The following PDZRN4 variants were observed in gnomAD, a reference collection of about 807,000 sequenced individuals.
The protein encoded by PDZRN4 is PDZ domain containing ring finger 4.
Under a neutral mutation model 99.0 loss-of-function variants are expected in PDZRN4, and 70 were observed. That is an observed-to-expected ratio of 0.71 (90% CI 0.58 to 0.86). The LOEUF (loss-of-function observed/expected upper bound fraction) is 0.86, where lower values mean the gene tolerates loss of function less well. Among genes scored for constraint, PDZRN4 ranks in the 40% least tolerant of loss-of-function variants. The pLI, the probability that PDZRN4 is intolerant of heterozygous loss-of-function variation, is 0.00. For missense variants in PDZRN4, 1,474 were observed against 1,331.2 expected (o/e 1.11, Z -1.67); for synonymous variants, 551 against 501.6 (o/e 1.10, Z -1.32).
At chr12:41,400,035 T>A (rs1447624088) in intron 3 of PDZRN4, among the ~76,000 whole-genome samples, 1 of 152,144 alleles carries the variant, frequency 6.6e-6, no homozygotes, top group Non-Finnish European at 1.5e-5. Context: ...CTTTTAAACT[T>A]GGGCTATTGT....
At chr12:41,210,664 AC>A (rs1950882430) in intron 3 of PDZRN4, among the ~76,000 whole-genome samples, 1 of 152,010 alleles carries the variant, frequency 6.6e-6, no homozygotes, top group Admixed American at 6.6e-5. Flanking sequence ...ATTAAAACCC[AC>A]TATTTCTTTT....
intron 3 of PDZRN4, among the ~76,000 whole-genome samples, chr12:41,496,273 G>A (rs1007362940): frequency 2.0e-5 from 3 of 152,106 alleles, no homozygotes; most frequent in Non-Finnish European, 2.9e-5. Flanking sequence ...CCAGAGAGTA[G>A]CCTCATCTCT....
intron 3 of PDZRN4, among the ~76,000 whole-genome samples, chr12:41,252,605 T>C (rs879029287): frequency 2.0e-5 from 3 of 152,116 alleles, no homozygotes; most frequent in Admixed American, 2.0e-4. Context: ...CTTGATATGA[T>C]GGCACACACC....
intron 3 of PDZRN4, among the ~76,000 whole-genome samples, chr12:41,434,023 C>A (rs1008618290): frequency 6.6e-6 from 1 of 152,160 alleles, no homozygotes; most frequent in East Asian, 1.9e-4. Context: ...AGAGTAACCA[C>A]CATCCTGACT....
chr12:41,208,261 G>T (rs1348107601), intron 3 of PDZRN4, among the ~76,000 whole-genome samples: 4 of 151,800 alleles, frequency 2.6e-5, no homozygotes, highest in Admixed American at 2.0e-4. Flanking sequence ...TTGACTATTT[G>T]GTTCAAGGGA....
chr12:41,188,684 C>A lies in PDZRN4; in HGVS notation c.229C>A (p.Leu77Met). 1 of 1,558,854 alleles carries A rather than the reference C, an allele frequency of 6.4e-7. No individual in the cohort carries two copies. Among genetic ancestry groups the A allele is most frequent in the South Asian group, 1.2e-5 (1 of 85,748 alleles). Residue 77 changes from leucine (L) to methionine (M), a missense_variant, in exon 1 of 10, where the codon CTG becomes ATG. Physicochemically the swap from Leu to Met is conservative, Grantham distance 15. Transcript: ENST00000402685. ...VLPLRSLIQK[L>M]RVQCDYRARG... ...GCCGCTGCGCAGCCTCATCCAGAAGCTGCGAGTCCAGTGCGACTACCGCGC... is the reference window on the plus strand; with the variant it reads ...GCCGCTGCGCAGCCTCATCCAGAAGATGCGAGTCCAGTGCGACTACCGCGC...
intron 3 of PDZRN4, among the ~76,000 whole-genome samples, chr12:41,421,215 T>C (rs1323367602): frequency 6.6e-6 from 1 of 152,216 alleles, no homozygotes; most frequent in East Asian, 1.9e-4. Context: ...TTCTTTTTTT[T>C]CTTTTGAGAC....
chr12:41,543,223 T>A (rs1938890459), intron 5 of PDZRN4, among the ~76,000 whole-genome samples: 1 of 152,210 alleles, frequency 6.6e-6, no homozygotes, highest in African/African-American at 2.4e-5. Flanking sequence ...TGCACTATAG[T>A]GAATTCTTTA....
At chr12:41,541,926 A>G (rs554875599) in intron 5 of PDZRN4, among the ~76,000 whole-genome samples, 1 of 152,292 alleles carries the variant, frequency 6.6e-6, no homozygotes, top group Admixed American at 6.5e-5. Context: ...TCTGAAGTGA[A>G]TATGTCTTCA....
intron 3 of PDZRN4, among the ~76,000 whole-genome samples, chr12:41,249,308 G>A (rs1423316054): frequency 6.6e-6 from 1 of 152,150 alleles, no homozygotes; most frequent in Admixed American, 6.5e-5. Context: ...GAACTATTTT[G>A]CATGAAGATG....
Position 41,475,963 on chromosome 12 carries a change from G to A in PDZRN4, c.844-30493G>A, listed in dbSNP as rs1953039418. Among the ~76,000 whole-genome samples the A allele has an allele frequency of 2.6e-5, 4 of 152,172 alleles. No individual in the cohort carries two copies. In the South Asian group the frequency reaches 6.2e-4, roughly 24 times the overall value. ...CATGTAAAGAATTTCAGCTCCTTGAGGATATTGTGTCTCCAACATCCAAAA... is the reference window on the plus strand; with the variant it reads ...CATGTAAAGAATTTCAGCTCCTTGAAGATATTGTGTCTCCAACATCCAAAA... On this transcript the variant is annotated intron_variant, in intron 3 of 9. Transcript: ENST00000402685.
chr12:41,351,240 C>G (rs975087701), intron 3 of PDZRN4, among the ~76,000 whole-genome samples: 1 of 152,032 alleles, frequency 6.6e-6, no homozygotes, highest in Non-Finnish European at 1.5e-5. Flanking sequence ...TATTGTTACC[C>G]ATTTTCTTAA....
rs115915902 is a variant in PDZRN4, at chr12:41,540,346, G to A, written c.1204-12310G>A. 4.7e-3 allele frequency among the ~76,000 whole-genome samples: 708 copies of A among 152,218 alleles called. 6 individuals carry two copies. The highest frequency in any genetic ancestry group is 0.015 in the African/African-American group (627 of 41,538). ...TGTATTTTAGGGGTGTTATAGTACG[G>A]CATGGAAGAGATTTAATTCATTATT... On this transcript the variant is annotated intron_variant, in intron 5 of 9. Coordinates refer to ENST00000402685, the MANE Select transcript of PDZRN4 (RefSeq NM_001164595.2).
At chr12:41,496,119 T>C (rs1937996687) in intron 3 of PDZRN4, among the ~76,000 whole-genome samples, 1 of 152,144 alleles carries the variant, frequency 6.6e-6, no homozygotes, top group Admixed American at 6.6e-5. Flanking sequence ...GGGGATAACA[T>C]ACTTACCTCC....
chr12:41,240,718 G>A (rs1951096425), intron 3 of PDZRN4, among the ~76,000 whole-genome samples: 1 of 152,166 alleles, frequency 6.6e-6, no homozygotes, highest in African/African-American at 2.4e-5. Context: ...TTGTAGACAG[G>A]GCCTTCGTGT....
chr12:41,513,007 G>A (rs967166214), intron 5 of PDZRN4, among the ~76,000 whole-genome samples: 8 of 152,076 alleles, frequency 5.3e-5, no homozygotes, highest in Non-Finnish European at 1.2e-4. Flanking sequence ...AAACTATGCG[G>A]CTATTTAGGT....
intron 3 of PDZRN4, among the ~76,000 whole-genome samples, chr12:41,238,985 G>A (rs1318901638): frequency 3.3e-5 from 5 of 152,008 alleles, no homozygotes; most frequent in Non-Finnish European, 7.4e-5. Context: ...AGGACTAGAG[G>A]TCATTCTATT....
rs371719976 is a variant in PDZRN4, at chr12:41,322,921, GA to G, written c.843+128741del. On this transcript the variant is annotated intron_variant, in intron 3 of 9. Coordinates refer to ENST00000402685, the MANE Select transcript of PDZRN4 (RefSeq NM_001164595.2). ...TTTTATTTTCTTTCTCATACATCTT[GA>G]AAAAAAATTAGATTGTTTTAAAATC... Among the ~76,000 whole-genome samples, 321 of 148,358 alleles carry G rather than the reference GA, an allele frequency of 2.2e-3. 2 individuals carry two copies. The highest frequency in any genetic ancestry group is 7.2e-3 in the African/African-American group (291 of 40,324).
intron 3 of PDZRN4, among the ~76,000 whole-genome samples, chr12:41,220,840 G>T (rs1379114725): frequency 1.3e-5 from 2 of 152,272 alleles, no homozygotes; most frequent in East Asian, 3.9e-4. Flanking sequence ...CTTGTGGTTA[G>T]CACAACAATA....
Sources: gnomAD v4.1 joint callset for allele counts (sites outside exome capture counted in the v4.1 genomes callset) on GRCh38, gnomAD v4.1.1 for gene constraint, MANE v1.5 for transcripts, NCBI Gene and HGNC (gene_info 2026-07-23, HGNC 2026-07-21) for gene names.